XPR1: variants seen among roughly 807,000 people sequenced by gnomAD.
XPR1 encodes the protein xenotropic and polytropic retrovirus receptor 1, also known as solute carrier family 53 member 1.
XPR1 carries 28 observed loss-of-function variants against 87.5 expected under a neutral mutation model. That is an observed-to-expected ratio of 0.32 (90% CI 0.24 to 0.44). The LOEUF (loss-of-function observed/expected upper bound fraction) is 0.44, where lower values mean the gene tolerates loss of function less well. XPR1 is among the 20% of genes least tolerant of loss of function. The probability of loss-of-function intolerance (pLI) is 1.00; values close to 1 mark genes in which losing one functional copy is unlikely to be tolerated. For synonymous variants in XPR1, 300 were observed against 306.1 expected, an observed-to-expected ratio of 0.98 and a Z score of 0.21; for missense variants, 559 against 862.3, an observed-to-expected ratio of 0.65 and a Z score of 4.41.
intron 1 of XPR1, among the ~76,000 whole-genome samples, chr1:180,661,835 A>G (rs1655790694): frequency 6.6e-6 from 1 of 152,166 alleles, no homozygotes; most frequent in Non-Finnish European, 1.5e-5. Context: ...AGATCATGCC[A>G]CTACACTCCA....
At chr1:180,709,368 G>A (rs1361948931) in intron 2 of XPR1, among the ~76,000 whole-genome samples, 2 of 152,058 alleles carry the variant, frequency 1.3e-5, no homozygotes, top group East Asian at 1.9e-4. Flanking sequence ...ATACACTGGC[G>A]AAACCATAAC....
At chr1:180,649,207 C>T (rs1022111914) in intron 1 of XPR1, among the ~76,000 whole-genome samples, 4 of 151,742 alleles carry the variant, frequency 2.6e-5, no homozygotes, top group East Asian at 3.9e-4. Context: ...GGGCGGATCA[C>T]GAGGTCAGGT....
At chr1:180,881,958 A>G (rs1442600592) in intron 14 of XPR1, among the ~76,000 whole-genome samples, 11 of 152,204 alleles carry the variant, frequency 7.2e-5, no homozygotes, top group Admixed American at 7.2e-4. Context: ...ATCCCAAGGA[A>G]GCAGAGTTTG....
chr1:180,800,690 G>A (rs6425653), intron 3 of XPR1, among the ~76,000 whole-genome samples: 1 of 152,134 alleles, frequency 6.6e-6, no homozygotes, highest in Non-Finnish European at 1.5e-5. Flanking sequence ...AGCCAATGAC[G>A]AGTAATCTTT....
At chr1:180,727,840 T>G (rs1359862537) in intron 2 of XPR1, among the ~76,000 whole-genome samples, 1 of 152,230 alleles carries the variant, frequency 6.6e-6, no homozygotes, top group Non-Finnish European at 1.5e-5. Context: ...TCTTGATGTT[T>G]CTATGGCATT....
chr1:180,725,094 C>G (rs1373062899), intron 2 of XPR1, among the ~76,000 whole-genome samples: 2 of 152,112 alleles, frequency 1.3e-5, no homozygotes, highest in Non-Finnish European at 2.9e-5. Context: ...CTAAAGGTAT[C>G]GTACACATTC....
At chr1:180,750,978 CAT>C (rs1452860422) in intron 2 of XPR1, among the ~76,000 whole-genome samples, 9 of 152,024 alleles carry the variant, frequency 5.9e-5, no homozygotes, top group African/African-American at 2.2e-4. Flanking sequence ...AGATCTTGCA[CAT>C]ATGTTGCTAA....
At chr1:180,710,608 C>T (rs1657730160) in intron 2 of XPR1, among the ~76,000 whole-genome samples, 1 of 152,224 alleles carries the variant, frequency 6.6e-6, no homozygotes, top group African/African-American at 2.4e-5. Context: ...TCTTTCTACA[C>T]AGACACAGCA....
At chr1:180,640,118 T>G (rs1433441249) in intron 1 of XPR1, among the ~76,000 whole-genome samples, 1 of 152,252 alleles carries the variant, frequency 6.6e-6, no homozygotes, top group Admixed American at 6.5e-5. Context: ...TCCATTTTAC[T>G]GATGAGGAAA....
At chr1:180,692,458 A>G (rs1225270902) in intron 2 of XPR1, among the ~76,000 whole-genome samples, 2 of 152,174 alleles carry the variant, frequency 1.3e-5, no homozygotes, top group Admixed American at 6.5e-5. Context: ...TTTAGGAAGG[A>G]TGAAAAGTTC....
chr1:180,813,658 TGCACAA>T (rs1650304292), intron 7 of XPR1, among the ~76,000 whole-genome samples: 1 of 152,116 alleles, frequency 6.6e-6, no homozygotes, highest in Admixed American at 6.6e-5. Flanking sequence ...AGAAAACACA[TGCACAA>T]ACAGCAGAAA....
chr1:180,708,588 T>C (rs970028297), intron 2 of XPR1, among the ~76,000 whole-genome samples: 19 of 152,114 alleles, frequency 1.2e-4, no homozygotes, highest in African/African-American at 4.6e-4. Context: ...AAGGTGATTT[T>C]TTTTTTTAAC....
At chr1:180,819,846 C>T (rs933077200) in intron 7 of XPR1, among the ~76,000 whole-genome samples, 32 of 151,920 alleles carry the variant, frequency 2.1e-4, no homozygotes, top group African/African-American at 7.7e-4. Flanking sequence ...GGCAAAACCC[C>T]GTCTCTACTA....
At chr1:180,652,989 T>C (rs1208212224) in intron 1 of XPR1, among the ~76,000 whole-genome samples, 2 of 152,216 alleles carry the variant, frequency 1.3e-5, no homozygotes, top group Non-Finnish European at 2.9e-5. Flanking sequence ...GCTGACTCAC[T>C]CAAATGGTTT....
intron 2 of XPR1, among the ~76,000 whole-genome samples, chr1:180,774,036 T>C (rs1206470008): frequency 6.6e-6 from 1 of 152,220 alleles, no homozygotes; most frequent in Non-Finnish European, 1.5e-5. Flanking sequence ...CTGTCATCTT[T>C]CTCAGTATGA....
chr1:180,756,646 A>C (rs182302699), intron 2 of XPR1, among the ~76,000 whole-genome samples: 2 of 152,150 alleles, frequency 1.3e-5, no homozygotes, highest in East Asian at 3.9e-4. Context: ...AATTTATCTC[A>C]TTTTTCTTTC....
intron 12 of XPR1, 105 bp from the exon 13 acceptor site, chr1:180,873,698 T>C: frequency 7.9e-7 from 1 of 1,262,356 alleles, no homozygotes; most frequent in Non-Finnish European, 1.1e-6. Context: ...CTGTGCTTAT[T>C]CGTAGGACAT....
intron 2 of XPR1, among the ~76,000 whole-genome samples, chr1:180,745,108 C>T (rs571348526): frequency 6.6e-6 from 1 of 152,288 alleles, no homozygotes; most frequent in East Asian, 1.9e-4. Context: ...GCCTGGACAG[C>T]AGTATATTCA....
intron 1 of XPR1, among the ~76,000 whole-genome samples, chr1:180,680,382 T>TG: frequency 7.1e-6 from 1 of 141,344 alleles, no homozygotes; most frequent in Non-Finnish European, 1.5e-5. Flanking sequence ...TTTTTTTTTT[T>TG]GTGAGGTGGA....
Sources: gnomAD v4.1 joint callset for allele counts (sites outside exome capture counted in the v4.1 genomes callset) on GRCh38, gnomAD v4.1.1 for gene constraint, MANE v1.5 for transcripts, NCBI Gene and HGNC (gene_info 2026-07-23, HGNC 2026-07-21) for gene names.